The following GNB5 variants were observed in gnomAD, a reference collection of about 807,000 sequenced individuals.
GNB5 encodes the protein guanine nucleotide-binding protein subunit beta-5.
Under a neutral mutation model 55.3 loss-of-function variants are expected in GNB5, and 37 were observed. The observed-to-expected ratio is 0.67, with a 90% CI of 0.51 to 0.88. The LOEUF is 0.88. Ranked by LOEUF, GNB5 falls within the 40% of genes least tolerant of loss-of-function variation. The pLI is 0.00. For missense variants in GNB5, 476 were observed against 515.3 expected, an observed-to-expected ratio of 0.92 and a Z score of 0.74; for synonymous variants, 219 against 198.5, an observed-to-expected ratio of 1.10 and a Z score of -0.87.
Position 52,124,503 on chromosome 15 carries a change from G to C in GNB5, c.1146C>G (p.Phe382Leu), listed in dbSNP as rs373623990. Residue 382 changes from phenylalanine to leucine, a missense_variant, in exon 12 of 13, where the codon TTC (phenylalanine) becomes TTG (leucine). Physicochemically the swap from Phe to Leu is conservative, Grantham distance 22. Coordinates refer to ENST00000261837, the MANE Select transcript of GNB5 (RefSeq NM_016194.4). ...TLRVSPDGTAFCSGSWDHTLR... is the reference protein window; with the variant it reads ...TLRVSPDGTALCSGSWDHTLR... ...GGGTATGATCCCATGATCCAGAGCAGAAAGCAGTCCCATCGGGGGAAACTC... is the reference window on the plus strand; with the variant it reads ...GGGTATGATCCCATGATCCAGAGCACAAAGCAGTCCCATCGGGGGAAACTC... 3.7e-6 allele frequency: 6 copies of C among 1,613,956 alleles called. No homozygotes were observed. The highest frequency in any genetic ancestry group is 1.3e-5 in the African/African-American group (1 of 74,934).
intron 3 of GNB5, among the ~76,000 whole-genome samples, chr15:52,165,787 A>C (rs1195810801): frequency 2.0e-5 from 3 of 152,230 alleles, no homozygotes; most frequent in Non-Finnish European, 4.4e-5. Flanking sequence ...TACACAAACA[A>C]GTCTGCAAAA....
At chr15:52,164,585 G>A (rs989426709) in intron 3 of GNB5, among the ~76,000 whole-genome samples, 3 of 151,858 alleles carry the variant, frequency 2.0e-5, no homozygotes, top group Non-Finnish European at 4.4e-5. Flanking sequence ...CCGAGAGCAC[G>A]ACACTGCACT....
At chr15:52,123,847 C>A (rs759981651) in intron 12 of GNB5, among the ~76,000 whole-genome samples, 8 of 151,922 alleles carry the variant, frequency 5.3e-5, no homozygotes, top group African/African-American at 9.7e-5. Context: ...CCAGCTTAAA[C>A]AGGCTATTTT....
chr15:52,141,401 C>G, intron 6 of GNB5, 129 bp from the exon 7 acceptor site: 2 of 660,890 alleles, frequency 3.0e-6, no homozygotes, highest in Non-Finnish European at 5.0e-6. Flanking sequence ...TTTCCTCCAA[C>G]TTTTACTTTG....
chr15:52,128,206 T>C lies in GNB5; in HGVS notation c.902A>G (p.Asp301Gly), dbSNP rs1214576554. 6.2e-7 allele frequency: 1 copy of C among 1,609,384 alleles called. No homozygotes were observed. Residue 301 changes from aspartate to glycine, a missense_variant, in exon 10 of 13, where the codon GAT (aspartate) becomes GGT (glycine). Physicochemically the swap from Asp to Gly is moderately conservative, Grantham distance 94 (BLOSUM62 -1). Coordinates refer to ENST00000261837, the MANE Select transcript of GNB5 (RefSeq NM_016194.4). ...PSGDAFASGSDDATCRLYDLR... is the reference protein window; with the variant it reads ...PSGDAFASGSGDATCRLYDLR... ...AACTTAGAAACATACCGTAGCGTCA[T>C]CTGACCCTGAAGCAAAGGCATCTCC...
At position 52,187,666 on chromosome 15, in the gene GNB5, G is replaced by GGGCCA. The variant is rs1451381761; in HGVS notation, c.-18-2977_-18-2973dup. 3.3e-5 allele frequency among the ~76,000 whole-genome samples: 5 copies of GGGCCA among 152,206 alleles called. No homozygotes were observed. In the South Asian group the frequency reaches 1.0e-3, roughly 32 times the overall value. On this transcript the variant is annotated intron_variant, in intron 1 of 12. Transcript: ENST00000261837. ...TGTTCATTATAAATAACTGGAAACA[G>GGGCCA]GGCCAGGTGTGGTGGCTCATGCCTG... is the stretch of plus-strand genomic sequence containing the variant.
intron 2 of GNB5, 134 bp downstream of exon 2, chr15:52,184,417 T>G: frequency 1.4e-6 from 1 of 714,516 alleles, no homozygotes; most frequent in South Asian, 1.8e-5. Flanking sequence ...CTCTGTACTA[T>G]ACTGCCTCAC....
At position 52,141,154 on chromosome 15, in the gene GNB5, T is replaced by C; in HGVS notation, c.613A>G (p.Asn205Asp). 3 of 1,614,094 alleles carry C rather than the reference T, an allele frequency of 1.9e-6. No individual in the cohort carries two copies. The highest frequency in any genetic ancestry group is 2.2e-5 in the East Asian group (1 of 44,884). ...TGCCTATTTACCTGCATGTCAGAGTTGGTGAAGCTGCAGGCCGACAGGTAG... is the reference window on the plus strand; with the variant it reads ...TGCCTATTTACCTGCATGTCAGAGTCGGTGAAGCTGCAGGCCGACAGGTAG... ...TNYLSACSFT[N>D]SDMQILTASG... The change falls in exon 7 of 13, where the codon AAC becomes GAC. Residue 205 changes from asparagine to aspartate, a missense_variant. Transcript: ENST00000261837.
chr15:52,171,093 CAAAAAAAA>C (rs58181494), intron 3 of GNB5, among the ~76,000 whole-genome samples: 3 of 72,648 alleles, frequency 4.1e-5, no homozygotes, highest in African/African-American at 8.3e-5. Context: ...ACTCTATCTC[CAAAAAAAA>C]AAAAAAAAAA....
intron 6 of GNB5, among the ~76,000 whole-genome samples, chr15:52,142,715 A>G (rs917650172): frequency 2.0e-5 from 3 of 152,150 alleles, no homozygotes; most frequent in African/African-American, 7.2e-5. Context: ...TTTTGTAGGG[A>G]ACAATATTTA....
rs1243957202 is a variant in GNB5, at chr15:52,117,089, A to AATTTATATATAT, written c.*5667_*5668insATATATATAAAT. On this transcript the variant is annotated 3_prime_UTR_variant, in exon 13 of 13. Transcript: ENST00000261837. The stretch of plus-strand genomic sequence containing the variant: ...CAGGCACCTGCCACCACGCCCAGCT[A>AATTTATATATAT]ATATATATATATATTTTTTTTTAGT... 1.2e-5 allele frequency: 1 copy of AATTTATATATAT among 85,474 alleles called. No individual in the cohort carries two copies. Among genetic ancestry groups the AATTTATATATAT allele is most frequent in the East Asian group, 2.8e-4 (1 of 3,566 alleles). 5.3% of individuals were successfully genotyped at this position (85,474 alleles called of 1,614,324 possible). A position where few individuals can be genotyped will look rare whatever the true frequency, so the allele number is the denominator to read the frequency against.
rs202116176 is a variant in GNB5, at chr15:52,128,197, G to T, written c.911C>A (p.Thr304Lys). 19 of 1,601,928 alleles carry T rather than the reference G, an allele frequency of 1.2e-5. No homozygotes were observed. In the East Asian group the frequency reaches 4.2e-4, roughly 36 times the overall value. The change falls in exon 10 of 13, where the codon ACG becomes AAG. Residue 304 changes from threonine to lysine, a missense_variant and splice_region_variant. Coordinates refer to ENST00000261837, the MANE Select transcript of GNB5 (RefSeq NM_016194.4). The stretch of plus-strand genomic sequence containing the variant: ...GCTCTCAAAAACTTAGAAACATACC[G>T]TAGCGTCATCTGACCCTGAAGCAAA... ...DAFASGSDDA[T>K]CRLYDLRADR...
chr15:52,140,100 C>G, intron 7 of GNB5: 1 of 453,370 alleles, frequency 2.2e-6, no homozygotes, highest in Non-Finnish European at 3.2e-6. Flanking sequence ...AATGGTGACA[C>G]TGCAAGTCCC....
At chr15:52,145,740 A>G (rs1180790645) in intron 6 of GNB5, among the ~76,000 whole-genome samples, 1 of 152,104 alleles carries the variant, frequency 6.6e-6, no homozygotes, top group East Asian at 1.9e-4. Flanking sequence ...TATGTCCCCA[A>G]AGCAGCCACC....
chr15:52,179,801 C>T lies in GNB5; in HGVS notation c.205G>A (p.Glu69Lys). Residue 69 changes from glutamate (E) to lysine (K), a missense_variant, in exon 3 of 13, where the codon GAG becomes AAG. Coordinates refer to ENST00000261837, the MANE Select transcript of GNB5 (RefSeq NM_016194.4). ...SEAESLKGKL[E>K]EERAKLHDVE... Reference sequence around the variant, plus strand: ...TCGTGCAGCTTGGCTCGCTCCTCCTCCAGCTTGCCCTTGAGGCTCTCGGCC... The same window carrying T: ...TCGTGCAGCTTGGCTCGCTCCTCCTTCAGCTTGCCCTTGAGGCTCTCGGCC... 6.5e-7 allele frequency: 1 copy of T among 1,547,998 alleles called. No individual in the cohort carries two copies. The highest frequency in any genetic ancestry group is 1.4e-5 in the African/African-American group (1 of 70,278).
chr15:52,185,769 T>C (rs1300510564), intron 1 of GNB5, among the ~76,000 whole-genome samples: 1 of 146,596 alleles, frequency 6.8e-6, no homozygotes, highest in Non-Finnish European at 1.5e-5. Flanking sequence ...ATTATTATTA[T>C]TATTATTATT....
rs370593684 is a variant in GNB5 at position 52,127,376 on chromosome 15, T to C, written c.912+820A>G. Among the ~76,000 whole-genome samples the C allele has an allele frequency of 5.9e-5, 9 of 152,370 alleles. No individual in the cohort carries two copies. The South Asian group carries it at 1.0e-3, about 18-fold the overall frequency. On this transcript the variant is annotated intron_variant, in intron 10 of 12. Coordinates refer to ENST00000261837, the MANE Select transcript of GNB5 (RefSeq NM_016194.4). Reference sequence around the variant, plus strand: ...ACCTGCATTTTACCCTCTTCTTTAATTGGAGTGTTCATTTTATTGTTTATG... The same window carrying C: ...ACCTGCATTTTACCCTCTTCTTTAACTGGAGTGTTCATTTTATTGTTTATG...
chr15:52,127,089 G>A (rs2033449887), intron 10 of GNB5, among the ~76,000 whole-genome samples: 2 of 152,130 alleles, frequency 1.3e-5, no homozygotes. Flanking sequence ...GAACCACCGT[G>A]CCTGGCCAAG....
At chr15:52,183,163 C>G (rs143410008) in intron 2 of GNB5, among the ~76,000 whole-genome samples, 1 of 152,320 alleles carries the variant, frequency 6.6e-6, no homozygotes, top group East Asian at 1.9e-4. Context: ...TTGCCCCAAC[C>G]TAATAGTAGC....
Sources: allele counts gnomAD v4.1 joint callset (sites outside exome capture counted in the v4.1 genomes callset), GRCh38; gene constraint gnomAD v4.1.1; transcripts MANE v1.5; gene names NCBI Gene and HGNC (gene_info 2026-07-23, HGNC 2026-07-21).